Variants in D2HGDH observed in about 807,000 individuals in gnomAD.
The protein encoded by D2HGDH is D-2-hydroxyglutarate dehydrogenase, also known as D-2-hydroxyglutarate dehydrogenase, mitochondrial.
A neutral mutation model predicts 46.9 loss-of-function variants in D2HGDH; 31 were observed. The ratio of observed to expected loss-of-function variants is 0.66; its 90% CI spans 0.50 to 0.89. The LOEUF (loss-of-function observed/expected upper bound fraction) is 0.89, where lower values mean the gene tolerates loss of function less well. Among genes scored for constraint, D2HGDH ranks in the 40% least tolerant of loss-of-function variants. The probability of loss-of-function intolerance (pLI) is 0.00; values close to 1 mark genes in which losing one functional copy is unlikely to be tolerated. For missense variants in D2HGDH, 698 were observed against 720.8 expected (o/e 0.97, Z 0.36); for synonymous variants, 364 against 332.6 (o/e 1.09, Z -1.03).
intron 8 of D2HGDH, chr2:241,755,178 C>G (rs917539752): frequency 2.2e-5 from 28 of 1,301,170 alleles, no homozygotes; most frequent in African/African-American, 4.6e-5. Context: ...CTTCCTCCCC[C>G]GTGGCCCGCC....
chr2:241,760,003 C>T (rs1183664558), intron 9 of D2HGDH, among the ~76,000 whole-genome samples: 1 of 152,252 alleles, frequency 6.6e-6, no homozygotes, highest in East Asian at 1.9e-4. Context: ...TCTCCCACCA[C>T]AGTGTGGGTG....
chr2:241,734,984 C>A (rs1055818725), intron 1 of D2HGDH, 149 bp from the exon 2 acceptor site: 1 of 514,790 alleles, frequency 1.9e-6, no homozygotes, highest in Non-Finnish European at 3.4e-6. Flanking sequence ...GGGCTTCGCG[C>A]GCTCGCGGGG....
intron 6 of D2HGDH, among the ~76,000 whole-genome samples, chr2:241,745,770 C>T (rs750204533): frequency 5.3e-5 from 8 of 152,172 alleles, no homozygotes; most frequent in Non-Finnish European, 1.0e-4. Context: ...TTCTTCACTT[C>T]TGGCGTGTCT....
chr2:241,752,987 C>T (rs186154545), intron 8 of D2HGDH, among the ~76,000 whole-genome samples: 1 of 152,124 alleles, frequency 6.6e-6, no homozygotes, highest in East Asian at 1.9e-4. Context: ...ACATCAGTCC[C>T]CAGCCCCTCC....
Position 241,743,967 on chromosome 2 carries a change from A to T in D2HGDH, c.684+152A>T. ...GGCCCCTCAAGGATGTGTGGGCTAC[A>T]TACACCCCCATCCTGAGGGAGGCCT... On this transcript the variant is annotated intron_variant, in intron 5 of 9. Coordinates refer to ENST00000321264, the MANE Select transcript of D2HGDH (RefSeq NM_152783.5). This position sits in a 1 kb window ranked among gnomAD's most constrained non-coding sequence, Gnocchi z 4.8. The T allele has an allele frequency of 1.2e-6, 1 of 819,256 alleles. No homozygotes were observed. Among genetic ancestry groups the T allele is most frequent in the African/African-American group, 1.7e-5 (1 of 58,318 alleles). The allele number at this position is 819,256 out of a possible 1,614,324, so 50.7% of individuals were successfully genotyped here.
rs369380533 is a variant in D2HGDH at position 241,743,604 on chromosome 2, C to T, written c.491-18C>T. 1.7e-4 allele frequency: 267 copies of T among 1,610,094 alleles called. 2 individuals are homozygous for T. The African/African-American group carries it at 3.1e-3, about 19-fold the overall frequency. ...CACTGGAAGCCAAGTGCTGCGGCAGCCTGGTCACTCTCTGCAGGAATTCTG... is the reference window on the plus strand; with the variant it reads ...CACTGGAAGCCAAGTGCTGCGGCAGTCTGGTCACTCTCTGCAGGAATTCTG... On this transcript the variant is annotated intron_variant, in intron 4 of 9. Transcript: ENST00000321264. The surrounding 1 kb of genome is among the most constrained non-coding windows in gnomAD (Gnocchi z 4.8).
chr2:241,752,473 A>AGGCCCCAGGG (rs1697416444), intron 8 of D2HGDH, among the ~76,000 whole-genome samples: 1 of 152,034 alleles, frequency 6.6e-6, no homozygotes, highest in Non-Finnish European at 1.5e-5. Context: ...AGCAATCCCC[A>AGGCCCCAGGG]GGCCCCAGGG....
chr2:241,744,737 G>A lies in D2HGDH; in HGVS notation c.713G>A (p.Cys238Tyr), dbSNP rs746256853. ...CTGGCCGACGGCACTGTCCTGGACT[G>A]CCTGACCTCCCTGAGGAAGGACAAC... Reference protein sequence around the residue: ...VVLADGTVLDCLTSLRKDNTG... With the variant: ...VVLADGTVLDYLTSLRKDNTG... Residue 238 changes from cysteine (C) to tyrosine (Y), a missense_variant, in exon 6 of 10, where the codon TGC becomes TAC. Transcript: ENST00000321264. 2 of 1,614,082 alleles carry A rather than the reference G, an allele frequency of 1.2e-6. No homozygotes were observed. Among genetic ancestry groups the A allele is most frequent in the Non-Finnish European group, 8.5e-7 (1 of 1,179,978 alleles).
chr2:241,737,042 T>G (rs939553541), intron 2 of D2HGDH, among the ~76,000 whole-genome samples: 1 of 151,570 alleles, frequency 6.6e-6, no homozygotes, highest in East Asian at 1.9e-4. Flanking sequence ...GATCTCGGCT[T>G]ACTGCAAGCT....
Position 241,743,459 on chromosome 2 carries a change from C to T in D2HGDH, c.491-163C>T, listed in dbSNP as rs1028150596. Among the ~76,000 whole-genome samples the T allele has an allele frequency of 1.8e-4, 27 of 151,976 alleles. No individual in the cohort carries two copies. Among genetic ancestry groups the T allele is most frequent in the African/African-American group, 5.6e-4 (23 of 41,378 alleles). On this transcript the variant is annotated intron_variant, in intron 4 of 9. Coordinates refer to ENST00000321264, the MANE Select transcript of D2HGDH (RefSeq NM_152783.5). This position sits in a 1 kb window ranked among gnomAD's most constrained non-coding sequence, Gnocchi z 4.8. ...AGGTCCTGTGAGGCCCAGATGTTTT[C>T]GTCCTTGGGCCAGCGATGTGGGGGT... is the stretch of plus-strand genomic sequence containing the variant.
At chr2:241,735,803 G>A in intron 2 of D2HGDH, 1 of 474,436 alleles carries the variant, frequency 2.1e-6, no homozygotes, top group South Asian at 2.3e-5. Flanking sequence ...TCACTCTGTC[G>A]CCAGGCCGGA....
At chr2:241,747,440 C>G (rs983443881) in intron 6 of D2HGDH, among the ~76,000 whole-genome samples, 1 of 151,878 alleles carries the variant, frequency 6.6e-6, no homozygotes, top group Non-Finnish European at 1.5e-5. Flanking sequence ...TCTGTTCAGC[C>G]TGAGAGTGAC....
intron 2 of D2HGDH, among the ~76,000 whole-genome samples, chr2:241,740,611 C>G (rs1425376578): frequency 2.0e-5 from 3 of 152,206 alleles, no homozygotes; most frequent in Non-Finnish European, 2.9e-5. Flanking sequence ...CCTTGACCTC[C>G]TGGACTCAGA....
rs149955589 is a variant in D2HGDH, at chr2:241,756,774, G to A, written c.1306+760G>A. 1.8e-4 allele frequency among the ~76,000 whole-genome samples: 28 copies of A among 152,244 alleles called. 2 individuals carry two copies. Among genetic ancestry groups the A allele is most frequent in the Middle Eastern group, 3.4e-3 (1 of 294 alleles). ...TGACCTCTGGTGATCTGCCCACTTC[G>A]GCCTCTCAAAGTGCTGGGATTACAG... On this transcript the variant is annotated intron_variant, in intron 9 of 9. Transcript: ENST00000321264.
At chr2:241,750,389 G>T (rs1242144813) in intron 7 of D2HGDH, 95 bp downstream of exon 7, 34 of 1,355,764 alleles carry the variant, frequency 2.5e-5, no homozygotes, top group Non-Finnish European at 3.2e-5. Context: ...TGGGCGGGGG[G>T]TGCCCGGGCG....
chr2:241,767,627 A>C, intron 9 of D2HGDH, 83 bp from the exon 10 acceptor site: 2 of 1,472,534 alleles, frequency 1.4e-6, no homozygotes, highest in Non-Finnish European at 9.0e-7. Context: ...TGGGGAGGGG[A>C]TCTTGGGAGG....
Position 241,764,337 on chromosome 2 carries a change from C to T in D2HGDH, c.1307-3373C>T, listed in dbSNP as rs544347907. ...GACCCTGCAGCTACAGACAGATTAA[C>T]AGGAGAAATAACAGAGGCTCATGAC... On this transcript the variant is annotated intron_variant, in intron 9 of 9. Coordinates refer to ENST00000321264, the MANE Select transcript of D2HGDH (RefSeq NM_152783.5). Among the ~76,000 whole-genome samples the T allele has an allele frequency of 7.2e-5, 11 of 152,350 alleles. 1 individual carries two copies. The highest frequency in any genetic ancestry group is 5.9e-4 in the Admixed American group (9 of 15,298).
At chr2:241,758,628 A>G (rs1698419068) in intron 9 of D2HGDH, among the ~76,000 whole-genome samples, 1 of 152,064 alleles carries the variant, frequency 6.6e-6, no homozygotes. Flanking sequence ...ATTTTTTTGT[A>G]GGCCCGGTGC....
intron 9 of D2HGDH, 145 bp downstream of exon 9, chr2:241,756,159 G>C: frequency 8.1e-7 from 1 of 1,235,414 alleles, no homozygotes; most frequent in African/African-American, 1.5e-5. Context: ...CAGGACCACG[G>C]TGTCTGACAG....
Sources: allele counts gnomAD v4.1 joint callset (sites outside exome capture counted in the v4.1 genomes callset), GRCh38; gene constraint gnomAD v4.1.1; non-coding constraint Gnocchi (gnomAD v3.1); transcripts MANE v1.5; gene names NCBI Gene and HGNC (gene_info 2026-07-23, HGNC 2026-07-21).